Variants in HPSE2 observed in about 807,000 individuals in gnomAD.
HPSE2 encodes inactive heparanase-2.
A neutral mutation model predicts 60.5 loss-of-function variants in HPSE2; 38 were observed. The observed-to-expected ratio is 0.63, with a 90% CI of 0.48 to 0.82. HPSE2 has a LOEUF of 0.82. HPSE2 is among the 40% of genes least tolerant of loss of function. The pLI is 0.00. For missense variants in HPSE2, 713 were observed against 740.4 expected (o/e 0.96, Z 0.43); for synonymous variants, 295 against 293.2 (o/e 1.01, Z -0.06).
At chr10:98,898,420 A>G (rs1419492832) in intron 3 of HPSE2, among the ~76,000 whole-genome samples, 1 of 152,236 alleles carries the variant, frequency 6.6e-6, no homozygotes, top group African/African-American at 2.4e-5. Flanking sequence ...TTATCAAGCC[A>G]CAAAGACATG....
intron 9 of HPSE2, among the ~76,000 whole-genome samples, chr10:98,492,284 C>T (rs553559876): frequency 2.0e-5 from 3 of 152,184 alleles, no homozygotes; most frequent in South Asian, 2.1e-4. Context: ...GGGCAGATCA[C>T]GAGGTCAGGA....
chr10:99,168,828 C>T (rs754718973), intron 2 of HPSE2, among the ~76,000 whole-genome samples: 4 of 152,184 alleles, frequency 2.6e-5, no homozygotes, highest in Non-Finnish European at 2.9e-5. Flanking sequence ...TGTAATATTT[C>T]ACCATTAAAC....
the HPSE2 span, among the ~76,000 whole-genome samples, chr10:99,247,993 G>A: frequency 6.6e-6 from 1 of 152,230 alleles, no homozygotes; most frequent in South Asian, 2.1e-4. Flanking sequence ...GTAGAACCAT[G>A]AGCCAACTAA....
At chr10:99,300,769 T>C in the HPSE2 span, among the ~76,000 whole-genome samples, 1 of 152,192 alleles carries the variant, frequency 6.6e-6, no homozygotes, top group East Asian at 1.9e-4. Flanking sequence ...GACACAGAAG[T>C]TCCCAGCAGA....
chr10:98,529,254 T>A (rs1943063408), intron 9 of HPSE2, among the ~76,000 whole-genome samples: 1 of 152,250 alleles, frequency 6.6e-6, no homozygotes, highest in Admixed American at 6.5e-5. Flanking sequence ...AATGTTTTTA[T>A]TTTTGTTGTG....
chr10:98,807,432 T>C (rs1405746609), intron 3 of HPSE2, among the ~76,000 whole-genome samples: 2 of 152,228 alleles, frequency 1.3e-5, no homozygotes. Flanking sequence ...GGTATGAAAC[T>C]TTTTTGCTCT....
At chr10:99,117,056 TACAAC>T (rs1327506265) in intron 3 of HPSE2, among the ~76,000 whole-genome samples, 1 of 151,900 alleles carries the variant, frequency 6.6e-6, no homozygotes, top group East Asian at 1.9e-4. Flanking sequence ...AAGCAATACA[TACAAC>T]ACAAACTTTA....
chr10:98,930,321 C>G (rs1231163495), intron 3 of HPSE2, among the ~76,000 whole-genome samples: 1 of 143,914 alleles, frequency 6.9e-6, no homozygotes, highest in African/African-American at 2.8e-5. Context: ...GATTTCATTA[C>G]CTTTTATGGC....
At chr10:99,185,244 C>A (rs1050348460) in intron 2 of HPSE2, among the ~76,000 whole-genome samples, 6 of 151,766 alleles carry the variant, frequency 4.0e-5, no homozygotes, top group African/African-American at 1.5e-4. Context: ...GCAGAGGGTG[C>A]AATGAGCCAA....
At chr10:98,514,916 G>A (rs1942548893) in intron 9 of HPSE2, among the ~76,000 whole-genome samples, 1 of 151,434 alleles carries the variant, frequency 6.6e-6, no homozygotes. Flanking sequence ...CAGAGACAGG[G>A]TTTCACCATG....
At chr10:98,960,703 T>TTC (rs1955637672) in intron 3 of HPSE2, among the ~76,000 whole-genome samples, 1 of 50,304 alleles carries the variant, frequency 2.0e-5, no homozygotes. Flanking sequence ...GTACATTTCT[T>TTC]TTTTTTTTTT....
chr10:98,878,885 A>G (rs1394324470), intron 3 of HPSE2, among the ~76,000 whole-genome samples: 1 of 151,964 alleles, frequency 6.6e-6, no homozygotes, highest in Non-Finnish European at 1.5e-5. Flanking sequence ...AGACTGGATT[A>G]CAGTATAAAG....
chr10:98,615,526 T>C (rs1945882852), intron 8 of HPSE2, among the ~76,000 whole-genome samples: 2 of 152,192 alleles, frequency 1.3e-5, no homozygotes, highest in Non-Finnish European at 2.9e-5. Context: ...CCCTCATATA[T>C]CACTGTCAGT....
At chr10:99,264,158 G>T in the HPSE2 span, among the ~76,000 whole-genome samples, 1 of 106,152 alleles carries the variant, frequency 9.4e-6, no homozygotes, top group African/African-American at 2.5e-5. Flanking sequence ...CGCTATCTCG[G>T]TTCACTGCAA....
intron 3 of HPSE2, among the ~76,000 whole-genome samples, chr10:98,948,929 T>C (rs1482627916): frequency 6.6e-6 from 1 of 152,140 alleles, no homozygotes; most frequent in Non-Finnish European, 1.5e-5. Flanking sequence ...AAATACAACA[T>C]ATAAAATATG....
chr10:98,781,097 C>T (rs953962763), intron 3 of HPSE2, among the ~76,000 whole-genome samples: 3 of 151,982 alleles, frequency 2.0e-5, no homozygotes, highest in African/African-American at 4.8e-5. Context: ...CTAGATGACA[C>T]GATGAGCCAC....
At chr10:98,566,913 T>A (rs1011717186) in intron 9 of HPSE2, among the ~76,000 whole-genome samples, 8 of 152,202 alleles carry the variant, frequency 5.3e-5, no homozygotes, top group African/African-American at 1.9e-4. Flanking sequence ...CAATAAAAGA[T>A]ATTTTTCCCC....
intron 3 of HPSE2, among the ~76,000 whole-genome samples, chr10:98,752,678 A>G (rs2134358658): frequency 6.6e-6 from 1 of 152,320 alleles, no homozygotes; most frequent in Non-Finnish European, 1.5e-5. Context: ...TAATATTCTC[A>G]TCTTACAGAG....
intron 3 of HPSE2, among the ~76,000 whole-genome samples, chr10:99,139,438 TTAAA>T (rs1369473646): frequency 3.9e-5 from 6 of 151,968 alleles, no homozygotes; most frequent in Non-Finnish European, 7.4e-5. Flanking sequence ...TGTTGACATT[TTAAA>T]TAAATAAATA....
Sources: allele counts gnomAD v4.1 joint callset (sites outside exome capture counted in the v4.1 genomes callset), GRCh38; gene constraint gnomAD v4.1.1; transcripts MANE v1.5; gene names NCBI Gene and HGNC (gene_info 2026-07-23, HGNC 2026-07-21).